Variants in GFM2 observed in about 807,000 individuals in gnomAD.
GFM2 encodes GTP dependent ribosome recycling factor mitochondrial 2, also known as ribosome-releasing factor 2, mitochondrial.
GFM2 carries 72 observed loss-of-function variants against 95.4 expected under a neutral mutation model. That is an observed-to-expected ratio of 0.76 (90% CI 0.62 to 0.92). The LOEUF (loss-of-function observed/expected upper bound fraction) is 0.92. Ranked by LOEUF, GFM2 falls within the 40% of genes least tolerant of loss-of-function variation. The probability of loss-of-function intolerance (pLI) is 0.00; values close to 1 mark genes in which losing one functional copy is unlikely to be tolerated. For missense variants in GFM2, 825 were observed against 924.1 expected (o/e 0.89, Z 1.39); for synonymous variants, 276 against 317.5 (o/e 0.87, Z 1.39).
intron 16 of GFM2, among the ~76,000 whole-genome samples, chr5:74,731,681 G>A (rs1170027417): frequency 2.0e-5 from 3 of 152,062 alleles, no homozygotes; most frequent in Non-Finnish European, 4.4e-5. Flanking sequence ...ACTATTTGGG[G>A]AAAATAGTTG....
chr5:74,758,705 C>T, intron 5 of GFM2, 144 bp downstream of exon 5: 2 of 602,014 alleles, frequency 3.3e-6, no homozygotes, highest in Non-Finnish European at 3.0e-6. Context: ...GTGGGTATTG[C>T]AACTATCTTA....
intron 1 of GFM2, among the ~76,000 whole-genome samples, chr5:74,766,044 G>T (rs1247423304): frequency 1.3e-5 from 2 of 152,040 alleles, no homozygotes; most frequent in Non-Finnish European, 2.9e-5. Context: ...TGTGGCTCAA[G>T]CCTGTAATCC....
rs562374958 is a variant in GFM2, at chr5:74,750,694, C to T, written c.431-27G>A. On this transcript the variant is annotated intron_variant, in intron 6 of 20. Transcript: ENST00000296805. Reference sequence around the variant, plus strand: ...TAAGAAAAAGATAAGACGTATAATGCCTTCTTTTTAACAAAACCATCATAT... The same window carrying T: ...TAAGAAAAAGATAAGACGTATAATGTCTTCTTTTTAACAAAACCATCATAT... 6 of 1,535,592 alleles carry T rather than the reference C, an allele frequency of 3.9e-6. No individual in the cohort carries two copies. The East Asian group carries it at 1.4e-4, about 35-fold the overall frequency.
chr5:74,746,032 G>T, intron 9 of GFM2, 73 bp downstream of exon 9: 1 of 1,169,442 alleles, frequency 8.6e-7, no homozygotes, highest in Non-Finnish European at 1.2e-6. Context: ...AGATAGCTTT[G>T]GAAATGTATA....
chr5:74,722,072 T>C (rs1267525492), intron 20 of GFM2, among the ~76,000 whole-genome samples: 2 of 152,292 alleles, frequency 1.3e-5, no homozygotes, highest in East Asian at 3.9e-4. Context: ...GGGAGAAGAA[T>C]GATAACTTGC....
intron 5 of GFM2, among the ~76,000 whole-genome samples, chr5:74,752,651 A>G (rs1346375882): frequency 1.3e-5 from 2 of 152,230 alleles, no homozygotes; most frequent in African/African-American, 2.4e-5. Context: ...CATTTTCACA[A>G]TTATAAAGAT....
At position 74,763,672 on chromosome 5, in the gene GFM2, A is replaced by G; in HGVS notation, c.63+8T>C. Reference sequence around the variant, plus strand: ...TAAAGGACACTTAATTTTATAAGAAATGCTTACATTAATATACACACTGGG... The same window carrying G: ...TAAAGGACACTTAATTTTATAAGAAGTGCTTACATTAATATACACACTGGG... On this transcript the variant is annotated splice_region_variant and intron_variant, in intron 2 of 20. Transcript: ENST00000296805. The G allele has an allele frequency of 6.6e-7, 1 of 1,518,680 alleles. No homozygotes were observed. Among genetic ancestry groups the G allele is most frequent in the Non-Finnish European group, 9.1e-7 (1 of 1,095,490 alleles). The allele number at this position is 1,518,680 out of a possible 1,614,324, so 94.1% of individuals were successfully genotyped here. A position where few individuals can be genotyped will look rare whatever the true frequency, so the allele number is the denominator to read the frequency against.
chr5:74,758,682 A>C (rs1158213844), intron 5 of GFM2, among the ~76,000 whole-genome samples, 167 bp downstream of exon 5: 1 of 152,232 alleles, frequency 6.6e-6, no homozygotes, highest in Non-Finnish European at 1.5e-5. Context: ...GTTGAATCTA[A>C]GAAGACCCTT....
chr5:74,759,799 T>C (rs556055051), intron 3 of GFM2, among the ~76,000 whole-genome samples: 2 of 152,214 alleles, frequency 1.3e-5, no homozygotes, highest in East Asian at 3.9e-4. Context: ...AAATGCACAG[T>C]CCTATAAACC....
rs748918252 is a variant in GFM2 at position 74,765,136 on chromosome 5, T to G, written c.-24-1370A>C. The G allele has an allele frequency of 3.5e-5, 43 of 1,216,948 alleles. No homozygotes were observed. The Middle Eastern group carries it at 6.9e-3, about 195-fold the overall frequency. 75.4% of individuals were successfully genotyped at this position (1,216,948 alleles called of 1,614,324 possible). ...AACGCCAAAGTTCAGGGCCTCATAG[T>G]CTCTCCACAGTTGTGACTGTAATAG... is the stretch of plus-strand genomic sequence containing the variant. On this transcript the variant is annotated intron_variant, in intron 1 of 20. Coordinates refer to ENST00000296805, the MANE Select transcript of GFM2 (RefSeq NM_032380.5).
At chr5:74,728,748 CTTTTTTTTTTT>C (rs57180600) in intron 17 of GFM2, among the ~76,000 whole-genome samples, 15 of 58,248 alleles carry the variant, frequency 2.6e-4, no homozygotes, top group Admixed American at 8.8e-4. Flanking sequence ...GTGGGGGTTT[CTTTTTTTTTTT>C]TTTTTTTTTT....
In GFM2 at chr5:74,736,817, G is replaced by A. The variant is rs770039644; in HGVS notation, c.1489C>T (p.Pro497Ser). The A allele has an allele frequency of 1.5e-5, 25 of 1,613,750 alleles. No homozygotes were observed. Among genetic ancestry groups the A allele is most frequent in the Admixed American group, 3.3e-5 (2 of 59,980 alleles). The stretch of plus-strand genomic sequence containing the variant: ...ATACCTGGCTGCTTAGACAGTGATG[G>A]GGGTTCTATGGTACAGAAGAAAACA... ...EPVFFCTIEP[P>S]SLSKQPDLEH... Residue 497 changes from proline (P) to serine (S), a missense_variant, in exon 15 of 21, where the codon CCA becomes TCA. Physicochemically the swap from Pro to Ser is moderately conservative, Grantham distance 74. Coordinates refer to ENST00000296805, the MANE Select transcript of GFM2 (RefSeq NM_032380.5).
In GFM2 at chr5:74,764,585, G is replaced by A. The variant is rs535757430; in HGVS notation, c.-24-819C>T. Reference sequence around the variant, plus strand: ...AGACAATTCTTCCAGTGTGGCCCAGGGAAACCAAAAGATTAGACACCCCTG... The same window carrying A: ...AGACAATTCTTCCAGTGTGGCCCAGAGAAACCAAAAGATTAGACACCCCTG... On this transcript the variant is annotated intron_variant, in intron 1 of 20. Coordinates refer to ENST00000296805, the MANE Select transcript of GFM2 (RefSeq NM_032380.5). Among the ~76,000 whole-genome samples, 6 of 152,068 alleles carry A rather than the reference G, an allele frequency of 3.9e-5. No homozygotes were observed. In the South Asian group the frequency reaches 1.0e-3, roughly 26 times the overall value.
At chr5:74,723,838 C>T (rs1750029211) in intron 19 of GFM2, among the ~76,000 whole-genome samples, 1 of 152,150 alleles carries the variant, frequency 6.6e-6, no homozygotes, top group Admixed American at 6.6e-5. Flanking sequence ...CTCCCCAATT[C>T]CCTGCTTCCT....
At position 74,722,379 on chromosome 5, in the gene GFM2, C is replaced by A. The variant is rs768900309; in HGVS notation, c.2211G>T (p.Met737Ile). 1.8e-5 allele frequency: 29 copies of A among 1,612,108 alleles called. No homozygotes were observed. The highest frequency in any genetic ancestry group is 2.7e-5 in the African/African-American group (2 of 74,854). The stretch of plus-strand genomic sequence containing the variant: ...TACTTTTCAGTTACAAAGTACCTAC[C>A]ATAATTTCTGCTAAGGGAACAAATC... ...VIGFVPLAEI[M>I]GYSTVLRTLT... Residue 737 changes from methionine (M) to isoleucine (I), a missense_variant and splice_region_variant, in exon 20 of 21, where the codon ATG (methionine) becomes ATT (isoleucine). By Grantham distance (10) the Met-to-Ile change is conservative. Coordinates refer to ENST00000296805, the MANE Select transcript of GFM2 (RefSeq NM_032380.5).
Position 74,745,797 on chromosome 5 carries a change from G to C in GFM2, c.730C>G (p.Leu244Val), listed in dbSNP as rs1325491696. Residue 244 changes from leucine to valine, a missense_variant, in exon 10 of 21, where the codon CTT becomes GTT. Coordinates refer to ENST00000296805, the MANE Select transcript of GFM2 (RefSeq NM_032380.5). ...TCATTTGAATTGCAATTCCAAAGAA[G>C]TTTTTCTTTCATTACTACATCCACC... ...GVVDVVMKEK[L>V]LWNCNSNDGK... 3.7e-6 allele frequency: 6 copies of C among 1,613,084 alleles called. No homozygotes were observed. The highest frequency in any genetic ancestry group is 5.1e-6 in the Non-Finnish European group (6 of 1,179,710).
At chr5:74,733,125 AC>A (rs1742660299) in intron 15 of GFM2, 27 bp from the exon 16 acceptor site, 5 of 1,493,734 alleles carry the variant, frequency 3.3e-6, no homozygotes, top group Non-Finnish European at 4.7e-6. Context: ...TGTTATCTTT[AC>A]ATTTCATTTT....
chr5:74,750,948 T>C (rs187037430), intron 6 of GFM2, among the ~76,000 whole-genome samples: 5 of 152,242 alleles, frequency 3.3e-5, no homozygotes, highest in Admixed American at 6.5e-5. Flanking sequence ...AAAGAAAATA[T>C]TGTAGCACAT....
chr5:74,736,688 A>T, intron 15 of GFM2, 108 bp downstream of exon 15: 1 of 1,533,682 alleles, frequency 6.5e-7, no homozygotes, highest in South Asian at 1.3e-5. Flanking sequence ...CAATATATTC[A>T]GATAAAATTT....
Sources: allele counts gnomAD v4.1 joint callset (sites outside exome capture counted in the v4.1 genomes callset), GRCh38; gene constraint gnomAD v4.1.1; transcripts MANE v1.5; gene names NCBI Gene and HGNC (gene_info 2026-07-23, HGNC 2026-07-21).